The following NKAIN2 variants were observed in gnomAD, a reference collection of about 807,000 sequenced individuals.
NKAIN2 encodes sodium/potassium transporting ATPase interacting 2.
NKAIN2 carries 14 observed loss-of-function variants against 32.6 expected under a neutral mutation model. The ratio of observed to expected loss-of-function variants is 0.43; its 90% CI spans 0.28 to 0.67. NKAIN2 has a LOEUF of 0.67. Ranked by LOEUF, NKAIN2 falls within the 30% of genes least tolerant of loss-of-function variation. NKAIN2 has a pLI of 0.17. For missense variants in NKAIN2, 198 were observed against 258.3 expected, an observed-to-expected ratio of 0.77 and a Z score of 1.60; for synonymous variants, 80 against 87.2, an observed-to-expected ratio of 0.92 and a Z score of 0.46.
At chr6:124,227,789 T>G (rs574844282) in intron 1 of NKAIN2, among the ~76,000 whole-genome samples, 1 of 152,272 alleles carries the variant, frequency 6.6e-6, no homozygotes, top group Non-Finnish European at 1.5e-5. Context: ...TGAGGGCAGA[T>G]GGGCCTTCTG....
At chr6:123,814,201 A>T (rs1413598045) in intron 1 of NKAIN2, among the ~76,000 whole-genome samples, 2 of 152,220 alleles carry the variant, frequency 1.3e-5, no homozygotes, top group Non-Finnish European at 2.9e-5. Context: ...ATTAAGTACT[A>T]TTCTACTTAA....
At chr6:124,276,278 T>G (rs1795027222) in intron 1 of NKAIN2, among the ~76,000 whole-genome samples, 1 of 146,010 alleles carries the variant, frequency 6.8e-6, no homozygotes, top group Non-Finnish European at 1.5e-5. Flanking sequence ...CAATTTTATT[T>G]TCTTCCCCTT....
At chr6:123,966,193 C>A (rs1385664590) in intron 1 of NKAIN2, among the ~76,000 whole-genome samples, 1 of 152,186 alleles carries the variant, frequency 6.6e-6, no homozygotes, top group African/African-American at 2.4e-5. Context: ...TCAGCTGGAT[C>A]CAGGGAATAC....
At chr6:124,142,853 A>C (rs1787211453) in intron 1 of NKAIN2, among the ~76,000 whole-genome samples, 1 of 152,200 alleles carries the variant, frequency 6.6e-6, no homozygotes, top group South Asian at 2.1e-4. Context: ...TAAAGTGATA[A>C]AATTTATTTT....
chr6:123,928,421 A>T (rs1159283780), intron 1 of NKAIN2, among the ~76,000 whole-genome samples: 2 of 152,202 alleles, frequency 1.3e-5, no homozygotes, highest in East Asian at 1.9e-4. Flanking sequence ...TGAAAATTTT[A>T]AAAAATGAAA....
intron 1 of NKAIN2, among the ~76,000 whole-genome samples, chr6:124,137,390 A>G (rs1786868843): frequency 6.6e-6 from 1 of 152,144 alleles, no homozygotes; most frequent in Non-Finnish European, 1.5e-5. Flanking sequence ...ACATCCCATG[A>G]TCATGGACAG....
chr6:124,362,866 A>C (rs1213485560), intron 3 of NKAIN2, among the ~76,000 whole-genome samples: 1 of 151,978 alleles, frequency 6.6e-6, no homozygotes, highest in Non-Finnish European at 1.5e-5. Context: ...ATAGAGTCCC[A>C]CTCTGTCGCC....
chr6:124,728,741 A>C (rs1247030800), intron 4 of NKAIN2, among the ~76,000 whole-genome samples: 8 of 151,290 alleles, frequency 5.3e-5, no homozygotes, highest in Non-Finnish European at 1.2e-4. Flanking sequence ...GACACAAAAA[A>C]CCCTTCAAAA....
chr6:124,457,980 A>G (rs1050839813), intron 3 of NKAIN2, among the ~76,000 whole-genome samples: 1 of 151,914 alleles, frequency 6.6e-6, no homozygotes, highest in Non-Finnish European at 1.5e-5. Flanking sequence ...TTGCTTTGTT[A>G]TTTTTTAGAT....
intron 1 of NKAIN2, among the ~76,000 whole-genome samples, chr6:124,021,911 A>G (rs998846735): frequency 1.3e-5 from 2 of 152,114 alleles, no homozygotes; most frequent in Non-Finnish European, 2.9e-5. Flanking sequence ...TATTATTATT[A>G]TACTTTAAGG....
Position 124,779,247 on chromosome 6 carries a change from A to AAGAGAGAGAG in NKAIN2, c.475-12065_475-12056dup, listed in dbSNP as rs71024703. The stretch of plus-strand genomic sequence containing the variant: ...CGACAGAGCCAGACTCCAACAAAGA[A>AAGAGAGAGAG]AGAGAGAGAGAGAGAGAGAGAGAGA... On this transcript the variant is annotated intron_variant, in intron 4 of 6. Transcript: ENST00000368417. Among the ~76,000 whole-genome samples the AAGAGAGAGAG allele has an allele frequency of 2.4e-4, 18 of 75,370 alleles. 1 individual carries two copies. Among genetic ancestry groups the AAGAGAGAGAG allele is most frequent in the East Asian group, 5.3e-4 (1 of 1,880 alleles). The allele number at this position is 75,370 out of a possible 152,430, so 49.4% of individuals were successfully genotyped here.
chr6:124,084,233 T>C (rs1468049056), intron 1 of NKAIN2, among the ~76,000 whole-genome samples: 1 of 152,004 alleles, frequency 6.6e-6, no homozygotes, highest in Non-Finnish European at 1.5e-5. Flanking sequence ...TTTATTCTCA[T>C]GTATTGCCAT....
At chr6:124,342,817 A>T (rs1174956426) in intron 2 of NKAIN2, among the ~76,000 whole-genome samples, 4 of 10,374 alleles carry the variant, frequency 3.9e-4, no homozygotes, top group African/African-American at 6.4e-4. Context: ...AAGATGTTTT[A>T]TTATTATTAT....
At position 124,598,401 on chromosome 6, in the gene NKAIN2, C is replaced by A. The variant is rs147901597; in HGVS notation, c.274-59785C>A. ...CCAGTAAGTTTAAAACTCATGAGAC[C>A]AATGGGCTTTGTTGGCATCTTTTCA... On this transcript the variant is annotated intron_variant, in intron 3 of 6. Transcript: ENST00000368417. Among the ~76,000 whole-genome samples the A allele has an allele frequency of 3.8e-3, 571 of 152,148 alleles. 3 individuals are homozygous for A. The highest frequency in any genetic ancestry group is 7.3e-3 in the Admixed American group (111 of 15,264).
At chr6:124,114,127 G>T (rs911135455) in intron 1 of NKAIN2, among the ~76,000 whole-genome samples, 2 of 152,176 alleles carry the variant, frequency 1.3e-5, no homozygotes, top group African/African-American at 4.8e-5. Context: ...GAGATGTCAA[G>T]TTGCTCTGCA....
chr6:124,695,059 A>G (rs569270909), intron 4 of NKAIN2, among the ~76,000 whole-genome samples: 1 of 149,066 alleles, frequency 6.7e-6, no homozygotes, highest in South Asian at 2.1e-4. Context: ...TTGTTTTTTT[A>G]TTGGATAGTG....
chr6:123,810,929 A>G (rs964648423), intron 1 of NKAIN2, among the ~76,000 whole-genome samples: 4 of 152,164 alleles, frequency 2.6e-5, no homozygotes, highest in Admixed American at 2.0e-4. Flanking sequence ...ATTTTTAAAC[A>G]TAGATTTTTG....
At chr6:124,594,850 G>A (rs968080444) in intron 3 of NKAIN2, among the ~76,000 whole-genome samples, 1 of 152,166 alleles carries the variant, frequency 6.6e-6, no homozygotes, top group Admixed American at 6.5e-5. Flanking sequence ...GAGGAAATGG[G>A]TTACATTAGA....
At chr6:124,472,447 A>G (rs1459560491) in intron 3 of NKAIN2, among the ~76,000 whole-genome samples, 6 of 152,100 alleles carry the variant, frequency 3.9e-5, no homozygotes, top group Non-Finnish European at 1.5e-5. Flanking sequence ...CTACATAGTC[A>G]TCTGTACATA....
Sources: gnomAD v4.1 joint callset for allele counts (sites outside exome capture counted in the v4.1 genomes callset) on GRCh38, gnomAD v4.1.1 for gene constraint, MANE v1.5 for transcripts, NCBI Gene and HGNC (gene_info 2026-07-23, HGNC 2026-07-21) for gene names.